Variants in NOX5 observed in about 807,000 individuals in gnomAD.
NOX5 encodes NADPH oxidase 5.
Under a neutral mutation model 85.7 loss-of-function variants are expected in NOX5, and 76 were observed. The observed-to-expected ratio is 0.89, with a 90% CI of 0.74 to 1.07. The LOEUF is 1.07. Ranked by LOEUF, NOX5 falls within the 50% of genes least tolerant of loss-of-function variation. The pLI, the probability that NOX5 is intolerant of heterozygous loss-of-function variation, is 0.00. For synonymous variants in NOX5, 405 were observed against 401.4 expected (o/e 1.01, Z -0.11); for missense variants, 973 against 999.5 (o/e 0.97, Z 0.36).
chr15:69,015,183 C>G (rs311884), intron 1 of NOX5, among the ~76,000 whole-genome samples: 5,001 of 152,254 alleles, frequency 0.033, 264 homozygotes, highest in African/African-American at 0.11. Context: ...AAATTCTGGC[C>G]TCTGGTGAGC....
intron 1 of NOX5, among the ~76,000 whole-genome samples, chr15:69,021,630 A>T (rs1308224635): frequency 6.6e-6 from 1 of 152,146 alleles, no homozygotes; most frequent in Non-Finnish European, 1.5e-5. Flanking sequence ...TGTCATTTTG[A>T]ATTCTTAAAT....
intron 13 of NOX5, 95 bp downstream of exon 13, chr15:69,048,006 A>C: frequency 1.9e-6 from 2 of 1,063,146 alleles, no homozygotes; most frequent in South Asian, 2.7e-5. Context: ...GTGGGAGCGG[A>C]TAGGTGATCC....
intron 10 of NOX5, among the ~76,000 whole-genome samples, chr15:69,045,536 T>TTTTTTCTTTC (rs1555437204): frequency 4.2e-5 from 4 of 94,470 alleles, no homozygotes; most frequent in Admixed American, 3.6e-4. Context: ...TTCCTTTCTT[T>TTTTTTCTTTC]TTTCTTTCTT....
intron 14 of NOX5, among the ~76,000 whole-genome samples, chr15:69,052,217 C>CAA (rs60611537): frequency 2.4e-4 from 32 of 131,532 alleles, no homozygotes; most frequent in East Asian, 6.4e-4. Flanking sequence ...GACCCTGTCT[C>CAA]AAAAAAAAAA....
intron 14 of NOX5, among the ~76,000 whole-genome samples, chr15:69,052,254 C>T (rs888437962): frequency 6.6e-6 from 1 of 151,992 alleles, no homozygotes; most frequent in Non-Finnish European, 1.5e-5. Flanking sequence ...AATGTCCTCC[C>T]CTCAACCTCT....
intron 1 of NOX5, among the ~76,000 whole-genome samples, chr15:69,017,040 A>T (rs2050239643): frequency 6.6e-6 from 1 of 152,124 alleles, no homozygotes; most frequent in South Asian, 2.1e-4. Context: ...AGAAACATTT[A>T]TACTCTATTG....
At chr15:69,037,486 C>G in intron 8 of NOX5, 1 of 422,080 alleles carries the variant, frequency 2.4e-6, no homozygotes, top group Non-Finnish European at 4.3e-6. Flanking sequence ...TTTATTAGTG[C>G]CTACAGGGTG....
At chr15:69,023,536 G>T in intron 1 of NOX5, 1 of 306,624 alleles carries the variant, frequency 3.3e-6, no homozygotes, top group South Asian at 3.1e-5. Flanking sequence ...GCAGTGTGTC[G>T]GTCATAGAGC....
chr15:69,016,478 G>C (rs984152249), intron 1 of NOX5, among the ~76,000 whole-genome samples: 1 of 152,186 alleles, frequency 6.6e-6, no homozygotes, highest in Non-Finnish European at 1.5e-5. Context: ...AAGAACCTGA[G>C]GAGTCTGAAG....
chr15:69,030,642 G>T (rs1595774469), intron 3 of NOX5: 1 of 152,192 alleles, frequency 6.6e-6, no homozygotes, highest in Non-Finnish European at 1.5e-5. Flanking sequence ...AGCAGAACAG[G>T]CGGTGTGACT....
At chr15:69,047,112 A>G in intron 11 of NOX5, 1 of 576,686 alleles carries the variant, frequency 1.7e-6, no homozygotes, top group Non-Finnish European at 3.1e-6. Flanking sequence ...TACAGTGTAT[A>G]GGCCTACGTG....
intron 11 of NOX5, chr15:69,047,070 G>C (rs1409310339): frequency 1.7e-6 from 1 of 602,758 alleles, no homozygotes; most frequent in Non-Finnish European, 2.9e-6. Flanking sequence ...CTCACCCTCA[G>C]CCTGTCTCTT....
intron 9 of NOX5, among the ~76,000 whole-genome samples, 191 bp from the exon 10 acceptor site, chr15:69,042,472 A>G (rs2050607298): frequency 6.6e-6 from 1 of 152,176 alleles, no homozygotes; most frequent in Non-Finnish European, 1.5e-5. Context: ...GAAAGATCTC[A>G]AGGTCTGCCC....
intron 11 of NOX5, chr15:69,047,125 C>T (rs1595787412): frequency 7.1e-6 from 4 of 564,234 alleles, no homozygotes; most frequent in Non-Finnish European, 1.2e-5. Context: ...CCTACGTGCT[C>T]TCCATCCCTG....
intron 13 of NOX5, among the ~76,000 whole-genome samples, chr15:69,048,549 A>T (rs11855996): frequency 3.3e-5 from 5 of 151,644 alleles, no homozygotes; most frequent in Non-Finnish European, 5.9e-5. Context: ...GAAATAATAA[A>T]AATAATAATA....
Position 69,017,137 on chromosome 15 carries a change from G to GTATTTATT in NOX5, c.50+2374_50+2381dup, listed in dbSNP as rs148092449. 4.0e-3 allele frequency among the ~76,000 whole-genome samples: 606 copies of GTATTTATT among 151,760 alleles called. 7 individuals are homozygous for GTATTTATT. The East Asian group carries it at 0.054, about 13-fold the overall frequency. On this transcript the variant is annotated intron_variant, in intron 1 of 15. Transcript: ENST00000388866. ...CTTATTTTAACATAGAAATTTCTAA[G>GTATTTATT]TATTTATTTATTTATTTATTTATTT...
Position 69,037,159 on chromosome 15 carries a change from G to A in NOX5, c.1320G>A (p.Val440=), listed in dbSNP as rs370811623. 1.2e-6 allele frequency: 2 copies of A among 1,613,896 alleles called. No individual in the cohort carries two copies. Among genetic ancestry groups the A allele is most frequent in the African/African-American group, 1.3e-5 (1 of 74,906 alleles). The change falls in exon 8 of 16, where the codon GTG becomes GTA. Residue 440 remains valine (V), a synonymous_variant. Transcript: ENST00000388866. ...TGGAGAAGGCCATCGGACTGGCAGT[G>A]TCCCGCATGGCAGCCGTGTGCATCA... ...FFLEKAIGLA[V]SRMAAVCIME... is the part of the protein sequence containing the mutation.
At chr15:69,053,983 A>G (rs955543851) in intron 14 of NOX5, among the ~76,000 whole-genome samples, 4 of 152,214 alleles carry the variant, frequency 2.6e-5, no homozygotes, top group Non-Finnish European at 4.4e-5. Flanking sequence ...GCCAAATGAA[A>G]AATGAGCTGA....
intron 2 of NOX5, 143 bp downstream of exon 2, chr15:69,026,794 G>GGAAAC: frequency 9.2e-7 from 1 of 1,091,170 alleles, no homozygotes; most frequent in Non-Finnish European, 1.3e-6. Context: ...GATGTTTATG[G>GGAAAC]CACCCTCCCA....
Sources: gnomAD v4.1 joint callset for allele counts (sites outside exome capture counted in the v4.1 genomes callset) on GRCh38, gnomAD v4.1.1 for gene constraint, MANE v1.5 for transcripts, NCBI Gene and HGNC (gene_info 2026-07-23, HGNC 2026-07-21) for gene names.